VGLL4: variants seen among roughly 807,000 people sequenced by gnomAD.
The protein encoded by VGLL4 is transcription cofactor vestigial-like protein 4.
A neutral mutation model predicts 21.0 loss-of-function variants in VGLL4; 7 were observed. The observed-to-expected ratio is 0.33, with a 90% CI of 0.19 to 0.63. The LOEUF (loss-of-function observed/expected upper bound fraction) is 0.63. Among genes scored for constraint, VGLL4 ranks in the 20% least tolerant of loss-of-function variants. The probability of loss-of-function intolerance (pLI) is 0.78; values close to 1 mark genes in which losing one functional copy is unlikely to be tolerated. For missense variants in VGLL4, 394 were observed against 425.7 expected (o/e 0.93, Z 0.66); for synonymous variants, 222 against 173.2 (o/e 1.28, Z -2.21).
At chr3:11,620,759 T>A (rs900653436) in intron 1 of VGLL4, among the ~76,000 whole-genome samples, 1 of 152,042 alleles carries the variant, frequency 6.6e-6, no homozygotes, top group African/African-American at 2.4e-5. Context: ...TGGAATTCCA[T>A]CCCCTCCTTC....
At chr3:11,686,167 T>A (rs1320718591) in intron 2 of VGLL4, among the ~76,000 whole-genome samples, 1 of 152,220 alleles carries the variant, frequency 6.6e-6, no homozygotes, top group Non-Finnish European at 1.5e-5. Context: ...ATCCAGCAGC[T>A]CTGCTTCTGG....
chr3:11,661,785 C>A (rs2076043435), intron 2 of VGLL4, among the ~76,000 whole-genome samples: 1 of 152,076 alleles, frequency 6.6e-6, no homozygotes, highest in Non-Finnish European at 1.5e-5. Flanking sequence ...ACCAATATTT[C>A]TCTATGAGAC....
chr3:11,681,242 T>C (rs9847986), intron 2 of VGLL4, among the ~76,000 whole-genome samples: 79,607 of 151,472 alleles, frequency 0.53, 22,016 homozygotes, highest in Non-Finnish European at 0.63. Flanking sequence ...GGACTACAGG[T>C]GCCCGCCACC....
chr3:11,627,035 T>C (rs555589940), intron 1 of VGLL4, among the ~76,000 whole-genome samples: 10 of 151,864 alleles, frequency 6.6e-5, no homozygotes, highest in Non-Finnish European at 1.5e-4. Flanking sequence ...GTAGTCATAC[T>C]AGAATGACTT....
At chr3:11,611,105 C>T (rs2075052170) in intron 1 of VGLL4, among the ~76,000 whole-genome samples, 1 of 124,054 alleles carries the variant, frequency 8.1e-6, no homozygotes, top group Non-Finnish European at 1.6e-5. Flanking sequence ...GGGAGGAAGA[C>T]AGTTGAGGAG....
At chr3:11,560,046 T>TCTCTCCTTCACCCCCACC (rs2072837129) in intron 3 of VGLL4, among the ~76,000 whole-genome samples, 2 of 151,518 alleles carry the variant, frequency 1.3e-5, no homozygotes, top group Non-Finnish European at 2.9e-5. Context: ...ACAGCCTCAC[T>TCTCTCCTTCACCCCCACC]CTCTCCTTCA....
chr3:11,707,767 G>A (rs1387952263), intron 1 of VGLL4, among the ~76,000 whole-genome samples: 1 of 152,134 alleles, frequency 6.6e-6, no homozygotes, highest in Non-Finnish European at 1.5e-5. Context: ...GCTGAGGTGG[G>A]AGGCTCCCTT....
chr3:11,577,588 A>T (rs1217000935), intron 2 of VGLL4, among the ~76,000 whole-genome samples: 2 of 151,480 alleles, frequency 1.3e-5, no homozygotes, highest in African/African-American at 2.4e-5. Flanking sequence ...GCAAGACCCC[A>T]CCCCCCAAAA....
In VGLL4 at chr3:11,669,874, C is replaced by T. The variant is rs1253964769; in HGVS notation, c.64+33097G>A. 2.6e-5 allele frequency among the ~76,000 whole-genome samples: 4 copies of T among 151,996 alleles called. No homozygotes were observed. The South Asian group carries it at 6.2e-4, about 24-fold the overall frequency. ...TTTTTAATTTTTTGTAGAGATAGGG[C>T]AAGATTCCTGGCCTCGAGTGATCTT... is the stretch of plus-strand genomic sequence containing the variant. On this transcript the variant is annotated intron_variant, in intron 2 of 5. Transcript: ENST00000273038.
At chr3:11,684,051 A>C (rs1008899973) in intron 2 of VGLL4, among the ~76,000 whole-genome samples, 1 of 151,990 alleles carries the variant, frequency 6.6e-6, no homozygotes, top group African/African-American at 2.4e-5. Flanking sequence ...TCTCTACTAA[A>C]AATGCAAAAA....
At chr3:11,672,477 C>A (rs893814771) in intron 2 of VGLL4, among the ~76,000 whole-genome samples, 15 of 152,132 alleles carry the variant, frequency 9.9e-5, no homozygotes, top group African/African-American at 3.6e-4. Context: ...ATATCCCTGG[C>A]AAATTCTTCA....
chr3:11,675,162 C>G (rs2076272135), intron 2 of VGLL4, among the ~76,000 whole-genome samples: 2 of 151,970 alleles, frequency 1.3e-5, no homozygotes, highest in Admixed American at 6.6e-5. Context: ...GCCAACATGG[C>G]GAAAACCTGT....
At chr3:11,663,766 C>T (rs188786349) in intron 2 of VGLL4, among the ~76,000 whole-genome samples, 46 of 152,230 alleles carry the variant, frequency 3.0e-4, no homozygotes, top group Admixed American at 7.9e-4. Flanking sequence ...TTGCTGTACA[C>T]ACTGAAGGGT....
At chr3:11,611,389 T>C (rs1434400078) in intron 1 of VGLL4, among the ~76,000 whole-genome samples, 1 of 152,128 alleles carries the variant, frequency 6.6e-6, no homozygotes, top group African/African-American at 2.4e-5. Flanking sequence ...AAGGCGGCCA[T>C]CTGCAAGCCA....
intron 1 of VGLL4, among the ~76,000 whole-genome samples, chr3:11,706,194 A>C (rs1412516771): frequency 2.0e-5 from 3 of 152,222 alleles, no homozygotes; most frequent in Admixed American, 1.3e-4. Flanking sequence ...TAGACATTTA[A>C]GTTTATACAG....
chr3:11,584,291 C>T (rs1039740736), intron 2 of VGLL4, among the ~76,000 whole-genome samples: 7 of 151,842 alleles, frequency 4.6e-5, no homozygotes, highest in East Asian at 1.9e-4. Context: ...GAAATGCAAA[C>T]GGCCAATAAG....
chr3:11,665,101 CTTTTTTTTTTTTTTTTTTTT>C (rs59999510), intron 2 of VGLL4, among the ~76,000 whole-genome samples: 1 of 96,950 alleles, frequency 1.0e-5, no homozygotes, highest in African/African-American at 4.9e-5. Flanking sequence ...GAATATTTTT[CTTTTTTTTTTTTTTTTTTTT>C]TTTTTTTTTT....
upstream of VGLL4, chr3:11,643,935 C>G: frequency 2.0e-6 from 2 of 995,456 alleles, no homozygotes; most frequent in Non-Finnish European, 2.4e-6. Context: ...GACTCCTATG[C>G]CGCCGCTTCC....
At chr3:11,588,844 C>T (rs2074418983) in intron 2 of VGLL4, among the ~76,000 whole-genome samples, 1 of 152,246 alleles carries the variant, frequency 6.6e-6, no homozygotes, top group Admixed American at 6.5e-5. Context: ...CATACAACAC[C>T]CAGTGAGAGG....
Sources: gnomAD v4.1 joint callset for allele counts (sites outside exome capture counted in the v4.1 genomes callset) on GRCh38, gnomAD v4.1.1 for gene constraint, MANE v1.5 for transcripts, NCBI Gene and HGNC (gene_info 2026-07-23, HGNC 2026-07-21) for gene names.